The following KDM4C variants were observed in gnomAD, a reference collection of about 807,000 sequenced individuals.
KDM4C encodes the protein lysine demethylase 4C.
Under a neutral mutation model 129.3 loss-of-function variants are expected in KDM4C, and 81 were observed. That is an observed-to-expected ratio of 0.63 (90% confidence interval 0.52 to 0.75). The LOEUF (loss-of-function observed/expected upper bound fraction) is 0.75. Among genes scored for constraint, KDM4C ranks in the 30% least tolerant of loss-of-function variants. The probability of loss-of-function intolerance (pLI) is 0.00; values close to 1 mark genes in which losing one functional copy is unlikely to be tolerated. For missense variants in KDM4C, 1,457 were observed against 1,304.0 expected, an observed-to-expected ratio of 1.12 and a Z score of -1.81; for synonymous variants, 573 against 456.1, an observed-to-expected ratio of 1.26 and a Z score of -3.26.
At chr9:6,835,673 G>C in intron 4 of KDM4C, 2 of 728,200 alleles carry the variant, frequency 2.7e-6, no homozygotes, top group Admixed American at 4.2e-5. Context: ...TTTTTGTTTT[G>C]TTTTGTTTTT....
chr9:6,721,423 A>G (rs1452666544), intron 1 of KDM4C, among the ~76,000 whole-genome samples: 1 of 151,650 alleles, frequency 6.6e-6, no homozygotes, highest in Non-Finnish European at 1.5e-5. Context: ...AGCTGGGACC[A>G]CAGGCATGTG....
At chr9:6,788,546 C>T (rs1188023710) in intron 1 of KDM4C, among the ~76,000 whole-genome samples, 1 of 152,226 alleles carries the variant, frequency 6.6e-6, no homozygotes, top group African/African-American at 2.4e-5. Context: ...TTTGGGACTA[C>T]TGCTTTCCTT....
chr9:6,924,848 T>A, intron 8 of KDM4C: 1 of 983,680 alleles, frequency 1.0e-6, no homozygotes, highest in Non-Finnish European at 1.2e-6. Context: ...TAAGACAGGC[T>A]GTCCACTATA....
At position 7,014,013 on chromosome 9, in the gene KDM4C, T is replaced by G; in HGVS notation, c.2182+12T>G. 1 of 1,597,050 alleles carries G rather than the reference T, an allele frequency of 6.3e-7. No homozygotes were observed. Among genetic ancestry groups the G allele is most frequent in the Non-Finnish European group, 8.6e-7 (1 of 1,169,082 alleles). ...ACGGGTTCATGCAAGTAAATGGATC[T>G]ATAATTCATCAATCACTGGCTTTTC... is the stretch of plus-strand genomic sequence containing the variant. On this transcript the variant is annotated intron_variant, in intron 14 of 21. Coordinates refer to ENST00000381309, the MANE Select transcript of KDM4C (RefSeq NM_015061.6).
intron 17 of KDM4C, among the ~76,000 whole-genome samples, chr9:7,054,552 G>A (rs1437918858): frequency 1.3e-5 from 2 of 152,222 alleles, no homozygotes; most frequent in East Asian, 3.8e-4. Context: ...GTATCACACA[G>A]AAGGAAGAAG....
intron 19 of KDM4C, among the ~76,000 whole-genome samples, chr9:7,160,101 C>T (rs550288523): frequency 1.5e-4 from 23 of 152,300 alleles, no homozygotes; most frequent in Admixed American, 1.4e-3. Context: ...CACTGATACC[C>T]TTTCTTCCAC....
At chr9:6,895,051 A>G (rs1335587970) in intron 8 of KDM4C, among the ~76,000 whole-genome samples, 1 of 152,184 alleles carries the variant, frequency 6.6e-6, no homozygotes, top group African/African-American at 2.4e-5. Flanking sequence ...GCTAATTAAA[A>G]ATTGCTCTAA....
chr9:7,013,647 T>G, intron 13 of KDM4C, 141 bp from the exon 14 acceptor site: 1 of 704,562 alleles, frequency 1.4e-6, no homozygotes, highest in Non-Finnish European at 2.3e-6. Flanking sequence ...TAAAAAAAAC[T>G]AGTAGTTTGG....
At chr9:7,041,710 T>C (rs539375202) in intron 15 of KDM4C, among the ~76,000 whole-genome samples, 11 of 152,156 alleles carry the variant, frequency 7.2e-5, no homozygotes, top group Admixed American at 3.3e-4. Flanking sequence ...GAGCTGGGCA[T>C]GTGCTTTATT....
At chr9:6,839,246 T>C (rs1408487800) in intron 4 of KDM4C, among the ~76,000 whole-genome samples, 1 of 152,118 alleles carries the variant, frequency 6.6e-6, no homozygotes, top group Non-Finnish European at 1.5e-5. Context: ...TGTTTTCCCT[T>C]TGACACAGGG....
intron 8 of KDM4C, among the ~76,000 whole-genome samples, chr9:6,930,382 C>T (rs1823447784): frequency 2.6e-5 from 4 of 151,870 alleles, no homozygotes; most frequent in Admixed American, 2.6e-4. Flanking sequence ...TAATGAGCAC[C>T]TAATACAGTG....
chr9:6,725,205 C>T (rs971035056), intron 1 of KDM4C, among the ~76,000 whole-genome samples: 3 of 152,068 alleles, frequency 2.0e-5, no homozygotes, highest in South Asian at 2.1e-4. Context: ...TGACAATGTT[C>T]CACCAGGTAG....
intron 19 of KDM4C, among the ~76,000 whole-genome samples, chr9:7,130,974 G>A (rs1456922421): frequency 6.7e-6 from 1 of 148,500 alleles, no homozygotes; most frequent in African/African-American, 2.5e-5. Flanking sequence ...GAACTGCGTT[G>A]CCCGGGCTGG....
intron 5 of KDM4C, among the ~76,000 whole-genome samples, chr9:6,875,273 A>T (rs1054902551): frequency 6.6e-6 from 1 of 152,052 alleles, no homozygotes; most frequent in East Asian, 1.9e-4. Context: ...CCTCTTAGGG[A>T]GCTGAGATAG....
chr9:6,935,219 T>TA (rs1419029337), intron 8 of KDM4C, among the ~76,000 whole-genome samples: 3 of 152,294 alleles, frequency 2.0e-5, no homozygotes, highest in African/African-American at 7.2e-5. Flanking sequence ...CATCATTACT[T>TA]ACAAAAATCT....
chr9:7,019,699 A>T (rs1156679881), intron 15 of KDM4C, among the ~76,000 whole-genome samples: 103 of 106,462 alleles, frequency 9.7e-4, no homozygotes, highest in Non-Finnish European at 1.6e-3. Flanking sequence ...TAAAAATATA[A>T]TATTTTTATA....
chr9:7,174,070 G>A (rs1362699140), intron 21 of KDM4C, among the ~76,000 whole-genome samples: 1 of 152,150 alleles, frequency 6.6e-6, no homozygotes, highest in East Asian at 1.9e-4. Flanking sequence ...AGAGAAGAGA[G>A]CTTTAAGCAG....
At chr9:7,031,218 A>G (rs1175429246) in intron 15 of KDM4C, among the ~76,000 whole-genome samples, 1 of 151,770 alleles carries the variant, frequency 6.6e-6, no homozygotes, top group Non-Finnish European at 1.5e-5. Context: ...GCTGGAGTGC[A>G]GTGGTGTGAT....
intron 18 of KDM4C, among the ~76,000 whole-genome samples, chr9:7,122,261 A>T (rs199672614): frequency 0.046 from 6,336 of 137,000 alleles, 405 homozygotes; most frequent in East Asian, 0.27. Context: ...ACACACACAC[A>T]CACACTCTCT....
Sources: gnomAD v4.1 joint callset for allele counts (sites outside exome capture counted in the v4.1 genomes callset) on GRCh38, gnomAD v4.1.1 for gene constraint, MANE v1.5 for transcripts, NCBI Gene and HGNC (gene_info 2026-07-23, HGNC 2026-07-21) for gene names.